The following NTRK3 variants were observed in gnomAD, a reference collection of about 807,000 sequenced individuals.
The protein encoded by NTRK3 is NT-3 growth factor receptor.
In NTRK3, 24 loss-of-function variants were observed where a neutral mutation model predicts 91.7. The ratio of observed to expected loss-of-function variants is 0.26; its 90% confidence interval spans 0.19 to 0.37. The LOEUF is 0.37. Among genes scored for constraint, NTRK3 ranks in the 10% least tolerant of loss-of-function variants. The probability of loss-of-function intolerance (pLI) is 1.00; values close to 1 mark genes in which losing one functional copy is unlikely to be tolerated. For synonymous variants in NTRK3, 483 were observed against 404.0 expected (o/e 1.20, Z -2.34); for missense variants, 880 against 1,068.9 (o/e 0.82, Z 2.46).
Position 88,017,123 on chromosome 15 carries a change from C to A in NTRK3, c.1585+15734G>T, listed in dbSNP as rs541371793. 3.8e-4 allele frequency among the ~76,000 whole-genome samples: 58 copies of A among 152,016 alleles called. 1 individual carries two copies. Among genetic ancestry groups the A allele is most frequent in the Non-Finnish European group, 2.9e-4 (20 of 68,022 alleles). ...GAGGCATTTTAGGTTTCTGATAGAC[C>A]AGAGGGAAAGAAATATAAGGTGAGT... On this transcript the variant is annotated intron_variant, in intron 14 of 18. Coordinates refer to ENST00000394480, the Ensembl canonical transcript of NTRK3.
intron 13 of NTRK3, among the ~76,000 whole-genome samples, chr15:88,101,452 A>C: frequency 6.6e-6 from 1 of 152,260 alleles, no homozygotes. Context: ...TGTGGAAGTC[A>C]GTGTGGCGAT....
At chr15:88,129,429 C>T (rs1419829893) in intron 10 of NTRK3, among the ~76,000 whole-genome samples, 8 of 152,206 alleles carry the variant, frequency 5.3e-5, no homozygotes, top group Non-Finnish European at 1.0e-4. Flanking sequence ...CAGGCTTATA[C>T]AGATTAAGTA....
chr15:88,159,506 T>C (rs553088503), intron 5 of NTRK3, among the ~76,000 whole-genome samples: 21 of 152,338 alleles, frequency 1.4e-4, no homozygotes, highest in African/African-American at 4.6e-4. Flanking sequence ...GACATTGATG[T>C]TGCTGGTTTG....
chr15:87,932,517 A>C (rs961811453), intron 16 of NTRK3, among the ~76,000 whole-genome samples: 1 of 152,164 alleles, frequency 6.6e-6, no homozygotes, highest in African/African-American at 2.4e-5. Flanking sequence ...TTTTTGTTTC[A>C]ACCATCTCTG....
chr15:87,929,384 G>T lies in NTRK3; in HGVS notation c.1940C>A (p.Ala647Asp), dbSNP rs768453656. 5 of 1,613,988 alleles carry T rather than the reference G, an allele frequency of 3.1e-6. No individual in the cohort carries two copies. The South Asian group carries it at 3.3e-5, about 11-fold the overall frequency. Residue 647 changes from alanine to aspartate, a missense_variant, in exon 17 of 19, where the codon GCC becomes GAC. Physicochemically the swap from Ala to Asp is moderately radical, Grantham distance 126 (BLOSUM62 -2). Transcript: ENST00000394480. Reference sequence around the variant, plus strand: ...TTGGGAGAGCCCCAGCTCACCCTTGGCCTGGCGTGGCTGTCCATCCACAAG... The same window carrying T: ...TTGGGAGAGCCCCAGCTCACCCTTGTCCTGGCGTGGCTGTCCATCCACAAG...
chr15:87,921,767 G>C (rs947032944), intron 17 of NTRK3, among the ~76,000 whole-genome samples: 1 of 152,078 alleles, frequency 6.6e-6, no homozygotes, highest in Non-Finnish European at 1.5e-5. Flanking sequence ...CTACAAAGAG[G>C]AGCAATGAGC....
intron 14 of NTRK3, among the ~76,000 whole-genome samples, chr15:87,999,543 CT>C (rs1408740564): frequency 6.6e-6 from 1 of 152,166 alleles, no homozygotes; most frequent in Non-Finnish European, 1.5e-5. Context: ...ATGTAGATGT[CT>C]TTTCTTCCTT....
At chr15:87,863,467 T>C (rs2064578154) in exon 19 of NTRK3, 1 of 218,888 alleles carries the variant, frequency 4.6e-6, no homozygotes, top group South Asian at 1.9e-4. Context: ...TCAAACTAAA[T>C]ACTCTTTCAG....
At chr15:88,127,580 A>G (rs1386350506) in intron 11 of NTRK3, among the ~76,000 whole-genome samples, 2 of 152,226 alleles carry the variant, frequency 1.3e-5, no homozygotes, top group Non-Finnish European at 2.9e-5. Flanking sequence ...GATCCTGGCC[A>G]GGGTCTGGAT....
intron 17 of NTRK3, among the ~76,000 whole-genome samples, chr15:87,885,090 C>T (rs1325528479): frequency 6.6e-6 from 1 of 151,794 alleles, no homozygotes; most frequent in Non-Finnish European, 1.5e-5. Context: ...GAGAAACACA[C>T]AAAAATCAAA....
At chr15:88,075,784 TGGTGGGGGCAGGG>T (rs1255211453) in intron 13 of NTRK3, among the ~76,000 whole-genome samples, 1 of 152,156 alleles carries the variant, frequency 6.6e-6, no homozygotes, top group Non-Finnish European at 1.5e-5. Flanking sequence ...GAGCACCACT[TGGTGGGGGCAGGG>T]GGTGTCACAT....
intron 14 of NTRK3, among the ~76,000 whole-genome samples, chr15:88,003,331 A>T (rs1168966969): frequency 6.6e-6 from 1 of 152,242 alleles, no homozygotes; most frequent in Non-Finnish European, 1.5e-5. Context: ...CAGCAGAGCC[A>T]AGGTCTCACA....
intron 13 of NTRK3, among the ~76,000 whole-genome samples, chr15:88,117,916 C>A (rs112578232): frequency 2.8e-4 from 43 of 152,326 alleles, no homozygotes; most frequent in African/African-American, 9.4e-4. Context: ...GGCAGACACA[C>A]CTGCTTGCTG....
At chr15:88,014,931 T>C (rs975889768) in intron 14 of NTRK3, among the ~76,000 whole-genome samples, 2 of 152,216 alleles carry the variant, frequency 1.3e-5, no homozygotes, top group African/African-American at 4.8e-5. Context: ...AGTCTCCAAA[T>C]CTAGGCAAAC....
intron 14 of NTRK3, among the ~76,000 whole-genome samples, chr15:88,031,904 G>A (rs1168755358): frequency 6.6e-6 from 1 of 152,090 alleles, no homozygotes; most frequent in Non-Finnish European, 1.5e-5. Context: ...ACTGAGACAT[G>A]AAAAGAACCC....
chr15:87,930,339 C>A (rs547800725), intron 16 of NTRK3, among the ~76,000 whole-genome samples: 2 of 152,190 alleles, frequency 1.3e-5, no homozygotes, highest in African/African-American at 4.8e-5. Flanking sequence ...GTAACCACAC[C>A]CAGGGCCCTT....
In NTRK3 at chr15:88,240,140, C is replaced by A. The variant is rs77371562; in HGVS notation, c.248+15766G>T. Among the ~76,000 whole-genome samples the A allele has an allele frequency of 8.8e-3, 1,336 of 151,598 alleles. 8 individuals carry two copies. Among genetic ancestry groups the A allele is most frequent in the Non-Finnish European group, 0.014 (966 of 67,850 alleles). ...CCCCTCCCCTCCCCCACAGGATTGC[C>A]CCCAGAGAAACCCAGGGCTGCTGCA... On this transcript the variant is annotated intron_variant, in intron 3 of 18. Transcript: ENST00000394480. This position sits in a 1 kb window ranked among gnomAD's most constrained non-coding sequence, Gnocchi z 4.9.
intron 13 of NTRK3, among the ~76,000 whole-genome samples, chr15:88,095,944 G>A (rs2049544999): frequency 6.6e-6 from 1 of 152,140 alleles, no homozygotes; most frequent in Non-Finnish European, 1.5e-5. Context: ...ATCTCCTTCT[G>A]CAGTGGTCAT....
intron 17 of NTRK3, among the ~76,000 whole-genome samples, chr15:87,907,868 A>G (rs1327125457): frequency 6.6e-6 from 1 of 152,176 alleles, no homozygotes; most frequent in Non-Finnish European, 1.5e-5. Flanking sequence ...TTACCATAGA[A>G]ATTAAAATGG....
Sources: gnomAD v4.1 joint callset for allele counts (sites outside exome capture counted in the v4.1 genomes callset) on GRCh38, gnomAD v4.1.1 for gene constraint, Gnocchi (gnomAD v3.1) non-coding constraint, MANE v1.5 for transcripts, NCBI Gene and HGNC (gene_info 2026-07-23, HGNC 2026-07-21) for gene names.